Variants in CDH13 observed in about 807,000 individuals in gnomAD.
The protein encoded by CDH13 is cadherin 13, also known as cadherin-13.
In CDH13, 24 loss-of-function variants were observed where a neutral mutation model predicts 63.8. The ratio of observed to expected loss-of-function variants is 0.38; its 90% CI spans 0.27 to 0.53. The LOEUF (loss-of-function observed/expected upper bound fraction) is 0.53. CDH13 is among the 20% of genes least tolerant of loss of function. The pLI is 0.85. For missense variants in CDH13, 1,049 were observed against 903.1 expected (o/e 1.16, Z -2.07); for synonymous variants, 503 against 355.3 (o/e 1.42, Z -4.67).
At chr16:83,080,549 A>G (rs1263602905) in intron 3 of CDH13, among the ~76,000 whole-genome samples, 1 of 151,928 alleles carries the variant, frequency 6.6e-6, no homozygotes, top group East Asian at 1.9e-4. Context: ...TGTGAAATAG[A>G]GTCTGTTATT....
chr16:82,707,460 A>AG (rs1416208901), intron 1 of CDH13, among the ~76,000 whole-genome samples: 1 of 152,226 alleles, frequency 6.6e-6, no homozygotes, highest in Non-Finnish European at 1.5e-5. Context: ...CAAGGCACGG[A>AG]GAGATGATAG....
chr16:83,582,902 T>G (rs1282858136), intron 7 of CDH13, among the ~76,000 whole-genome samples: 1 of 152,224 alleles, frequency 6.6e-6, no homozygotes, highest in Non-Finnish European at 1.5e-5. Context: ...GAGTTTGCAC[T>G]TAACCATGTT....
intron 2 of CDH13, among the ~76,000 whole-genome samples, chr16:82,961,755 G>A (rs1036405442): frequency 1.1e-4 from 17 of 152,222 alleles, no homozygotes; most frequent in African/African-American, 3.9e-4. Context: ...CCTGTCTTTG[G>A]TTCTCAAGTT....
At chr16:83,187,513 G>T (rs1307182764) in intron 4 of CDH13, among the ~76,000 whole-genome samples, 1 of 151,968 alleles carries the variant, frequency 6.6e-6, no homozygotes, top group African/African-American at 2.4e-5. Flanking sequence ...ATACAGCCTG[G>T]CCTGAAGCCT....
Position 83,334,359 on chromosome 16 carries a change from T to TCACA in CDH13, c.637-10502_637-10501insACAC, listed in dbSNP as rs755860994. On this transcript the variant is annotated intron_variant, in intron 5 of 13. Coordinates refer to ENST00000567109, the MANE Select transcript of CDH13 (RefSeq NM_001257.5). ...CTTTCTCCCTCTCTCTCTCTCTCTC[T>TCACA]CTCACACACACACACACACACACAC... Among the ~76,000 whole-genome samples, 8 of 88,556 alleles carry TCACA rather than the reference T, an allele frequency of 9.0e-5. No homozygotes were observed. In the South Asian group the frequency reaches 1.3e-3, roughly 14 times the overall value. The allele number at this position is 88,556 out of a possible 152,430, so 58.1% of individuals were successfully genotyped here. A position where few individuals can be genotyped will look rare whatever the true frequency, so the allele number is the denominator to read the frequency against.
At chr16:82,815,558 A>C (rs1204316926) in intron 1 of CDH13, among the ~76,000 whole-genome samples, 1 of 152,212 alleles carries the variant, frequency 6.6e-6, no homozygotes, top group African/African-American at 2.4e-5. Context: ...GGTTTCATTA[A>C]AGCCCACTGC....
chr16:83,084,314 A>G (rs1335188728), intron 3 of CDH13, among the ~76,000 whole-genome samples: 2 of 152,172 alleles, frequency 1.3e-5, no homozygotes, highest in African/African-American at 2.4e-5. Context: ...GTGGAAGGTC[A>G]GGAGTTTTTG....
chr16:82,691,336 C>G (rs1361073035), intron 1 of CDH13, among the ~76,000 whole-genome samples: 1 of 152,176 alleles, frequency 6.6e-6, no homozygotes, highest in African/African-American at 2.4e-5. Context: ...CAGCCAGTAG[C>G]AGCTTGCATA....
rs2034727409 is a variant in CDH13, at chr16:82,758,957, T to C, written c.46-99405T>C. Among the ~76,000 whole-genome samples the C allele has an allele frequency of 5.9e-5, 9 of 152,204 alleles. No homozygotes were observed. The South Asian group carries it at 1.9e-3, about 31-fold the overall frequency. On this transcript the variant is annotated intron_variant, in intron 1 of 13. Transcript: ENST00000567109. ...CCATAATTCTCTTTCTGCTAGTCCT[T>C]TGGTCCACCTAAGTTCACCTAGTCA...
chr16:83,554,080 G>A (rs1215851019), intron 7 of CDH13, among the ~76,000 whole-genome samples: 5 of 152,166 alleles, frequency 3.3e-5, no homozygotes, highest in Admixed American at 3.3e-4. Flanking sequence ...ATCATTTTAG[G>A]AGGTTATAGA....
chr16:83,124,622 C>T (rs1334634285), intron 3 of CDH13, among the ~76,000 whole-genome samples: 1 of 149,660 alleles, frequency 6.7e-6, no homozygotes, highest in Non-Finnish European at 1.5e-5. Flanking sequence ...AGGGTTTCTT[C>T]TAGAATTTTT....
chr16:83,705,141 A>G (rs1430235527), intron 10 of CDH13, among the ~76,000 whole-genome samples: 1 of 152,198 alleles, frequency 6.6e-6, no homozygotes, highest in Non-Finnish European at 1.5e-5. Context: ...ATTTAAGGTC[A>G]TTTGAGGTAA....
intron 2 of CDH13, among the ~76,000 whole-genome samples, chr16:82,887,696 C>T (rs138565725): frequency 3.3e-5 from 5 of 152,296 alleles, no homozygotes; most frequent in African/African-American, 1.2e-4. Context: ...TGGTGCACAC[C>T]TGTAGTCCCA....
chr16:83,237,278 C>T (rs1017473489), intron 5 of CDH13, among the ~76,000 whole-genome samples: 3 of 152,196 alleles, frequency 2.0e-5, no homozygotes, highest in African/African-American at 7.2e-5. Context: ...GTGATGCTCA[C>T]GGTCACAGCC....
Position 83,700,264 on chromosome 16 carries a change from A to G in CDH13, c.1538+21803A>G, listed in dbSNP as rs190263001. ...CGTGTTGTCACCTGTGTCACCAGTT[A>G]CACAGAGACAAAGACCTTCTGCAGA... On this transcript the variant is annotated intron_variant, in intron 10 of 13. Transcript: ENST00000567109. Among the ~76,000 whole-genome samples the G allele has an allele frequency of 3.9e-5, 6 of 152,306 alleles. No homozygotes were observed. In the East Asian group the frequency reaches 1.2e-3, roughly 29 times the overall value.
chr16:83,720,672 A>G (rs1320598913), intron 10 of CDH13, among the ~76,000 whole-genome samples: 1 of 152,118 alleles, frequency 6.6e-6, no homozygotes, highest in African/African-American at 2.4e-5. Context: ...GAAGCAGCAA[A>G]GACAGGGTGC....
At chr16:83,140,461 TC>T (rs1290502389) in intron 4 of CDH13, among the ~76,000 whole-genome samples, 84 of 152,222 alleles carry the variant, frequency 5.5e-4, no homozygotes, top group Non-Finnish European at 6.5e-4. Flanking sequence ...GTATCTTTTT[TC>T]TTTTTTTTGA....
chr16:83,090,916 C>T (rs2033875094), intron 3 of CDH13, among the ~76,000 whole-genome samples: 2 of 151,544 alleles, frequency 1.3e-5, no homozygotes, highest in South Asian at 2.1e-4. Flanking sequence ...ATTTGGGAAC[C>T]CCCAGCAAAA....
intron 1 of CDH13, among the ~76,000 whole-genome samples, chr16:82,745,410 A>G (rs1410251078): frequency 6.6e-6 from 1 of 152,190 alleles, no homozygotes; most frequent in African/African-American, 2.4e-5. Context: ...GAAAGCTGAG[A>G]AAGAAAATAC....
Sources: gnomAD v4.1 joint callset for allele counts (sites outside exome capture counted in the v4.1 genomes callset) on GRCh38, gnomAD v4.1.1 for gene constraint, MANE v1.5 for transcripts, NCBI Gene and HGNC (gene_info 2026-07-23, HGNC 2026-07-21) for gene names.